EPB41L2: variants seen among roughly 807,000 people sequenced by gnomAD.
EPB41L2 encodes the protein band 4.1-like protein 2.
EPB41L2 carries 43 observed loss-of-function variants against 113.0 expected under a neutral mutation model. The ratio of observed to expected loss-of-function variants is 0.38; its 90% CI spans 0.30 to 0.49. EPB41L2 has a LOEUF of 0.49. EPB41L2 is among the 20% of genes least tolerant of loss of function. The pLI, the probability that EPB41L2 is intolerant of heterozygous loss-of-function variation, is 0.95. For synonymous variants in EPB41L2, 442 were observed against 436.7 expected (o/e 1.01, Z -0.15); for missense variants, 1,147 against 1,223.4 (o/e 0.94, Z 0.93).
At chr6:130,867,119 A>C (rs1784019024) in intron 16 of EPB41L2, among the ~76,000 whole-genome samples, 1 of 152,210 alleles carries the variant, frequency 6.6e-6, no homozygotes, top group African/African-American at 2.4e-5. Context: ...TATATCAGAT[A>C]AACTTTGCAA....
At chr6:130,972,092 T>C (rs1203780418) in intron 1 of EPB41L2, among the ~76,000 whole-genome samples, 1 of 152,100 alleles carries the variant, frequency 6.6e-6, no homozygotes, top group African/African-American at 2.4e-5. Context: ...GTGAGGCCGA[T>C]GTGGACGAAT....
chr6:130,890,674 T>A (rs1401522172), intron 10 of EPB41L2, among the ~76,000 whole-genome samples: 1 of 152,202 alleles, frequency 6.6e-6, no homozygotes, highest in Non-Finnish European at 1.5e-5. Context: ...TCCACATTCA[T>A]GTATTCATGA....
At chr6:131,006,875 G>A (rs564766654) in intron 1 of EPB41L2, among the ~76,000 whole-genome samples, 2 of 151,964 alleles carry the variant, frequency 1.3e-5, no homozygotes, top group East Asian at 3.9e-4. Context: ...CTCTAACCCT[G>A]AGGATCCTGT....
intron 18 of EPB41L2, among the ~76,000 whole-genome samples, chr6:130,860,543 A>AT (rs1308620055): frequency 2.7e-5 from 4 of 148,266 alleles, no homozygotes; most frequent in Admixed American, 6.8e-5. Flanking sequence ...TTTTATTTTT[A>AT]TTTTTTTGAG....
intron 5 of EPB41L2, among the ~76,000 whole-genome samples, chr6:130,908,389 C>CA (rs748637718): frequency 1.3e-5 from 2 of 152,190 alleles, no homozygotes; most frequent in Non-Finnish European, 2.9e-5. Context: ...AAAGAGTCCT[C>CA]ACTCCAGTAC....
intron 16 of EPB41L2, among the ~76,000 whole-genome samples, chr6:130,866,627 G>A (rs554726647): frequency 3.3e-5 from 5 of 152,322 alleles, no homozygotes; most frequent in African/African-American, 1.2e-4. Context: ...ACACATGCAT[G>A]CATTAAACCT....
chr6:130,851,092 C>A (rs1370356378), intron 19 of EPB41L2, among the ~76,000 whole-genome samples: 1 of 152,100 alleles, frequency 6.6e-6, no homozygotes, highest in Admixed American at 6.5e-5. Flanking sequence ...CACAACTAGG[C>A]AAACAGAATA....
chr6:130,965,853 T>A (rs1026540466), intron 1 of EPB41L2, among the ~76,000 whole-genome samples: 1 of 152,186 alleles, frequency 6.6e-6, no homozygotes, highest in African/African-American at 2.4e-5. Context: ...ATGGGCCCAG[T>A]GGAAGTCAAT....
At chr6:130,842,997 A>C (rs1391036025) in intron 19 of EPB41L2, among the ~76,000 whole-genome samples, 1 of 136,504 alleles carries the variant, frequency 7.3e-6, no homozygotes, top group Non-Finnish European at 1.5e-5. Context: ...CATTCTTTAA[A>C]AATCAGTAAA....
intron 19 of EPB41L2, among the ~76,000 whole-genome samples, chr6:130,850,214 C>A (rs189553442): frequency 3.9e-4 from 60 of 152,138 alleles, no homozygotes; most frequent in Non-Finnish European, 1.5e-5. Context: ...CTCCAGTCTG[C>A]GCGACAAGAG....
intron 17 of EPB41L2, 140 bp downstream of exon 17, chr6:130,865,396 A>T: frequency 1.3e-6 from 1 of 765,948 alleles, no homozygotes; most frequent in Non-Finnish European, 2.0e-6. Context: ...TTTCTTGGAT[A>T]CTTTAAACCA....
chr6:130,873,247 A>G (rs1786335374), intron 14 of EPB41L2, among the ~76,000 whole-genome samples: 1 of 152,204 alleles, frequency 6.6e-6, no homozygotes, highest in Non-Finnish European at 1.5e-5. Context: ...TCAGAGTTGA[A>G]AGCTCAATGA....
At chr6:130,998,846 A>C (rs1300663992) in intron 1 of EPB41L2, among the ~76,000 whole-genome samples, 1 of 152,168 alleles carries the variant, frequency 6.6e-6, no homozygotes, top group African/African-American at 2.4e-5. Context: ...TGATCATATC[A>C]TTCACCTGTA....
chr6:130,847,132 C>A (rs1482975099), intron 19 of EPB41L2, among the ~76,000 whole-genome samples: 2 of 152,214 alleles, frequency 1.3e-5, no homozygotes, highest in Non-Finnish European at 2.9e-5. Flanking sequence ...TACATAACCA[C>A]GATGGAGGTT....
chr6:130,922,753 G>C (rs1430342190), intron 4 of EPB41L2, among the ~76,000 whole-genome samples: 1 of 151,970 alleles, frequency 6.6e-6, no homozygotes, highest in African/African-American at 2.4e-5. Context: ...ATATTTGCAA[G>C]GTAAAAGCCA....
At chr6:130,976,202 C>T (rs532660059) in intron 1 of EPB41L2, among the ~76,000 whole-genome samples, 2 of 152,192 alleles carry the variant, frequency 1.3e-5, no homozygotes, top group African/African-American at 2.4e-5. Context: ...ATTTTTTTAA[C>T]GTTTTTAAAA....
chr6:130,954,040 C>CTTTCTTTT lies in EPB41L2; in HGVS notation c.705+1064_705+1065insAAAAGAAA, dbSNP rs1816373036. Among the ~76,000 whole-genome samples the CTTTCTTTT allele has an allele frequency of 1.4e-3, 82 of 58,860 alleles. 10 individuals are homozygous for CTTTCTTTT. Among genetic ancestry groups the CTTTCTTTT allele is most frequent in the Non-Finnish European group, 2.4e-3 (74 of 30,226 alleles). The allele number at this position is 58,860 out of a possible 152,430, so 38.6% of individuals were successfully genotyped here. A position where few individuals can be genotyped will look rare whatever the true frequency, so the allele number is the denominator to read the frequency against. On this transcript the variant is annotated intron_variant, in intron 3 of 19. Coordinates refer to ENST00000337057, the MANE Select transcript of EPB41L2 (RefSeq NM_001431.4). ...TCCTCTTTTGCTAGTCCTTTTCTTTCTTTTTTTTTTTTTTTTTTTTTTTTT... is the reference window on the plus strand; with the variant it reads ...TCCTCTTTTGCTAGTCCTTTTCTTTCTTTCTTTTTTTTTTTTTTTTTTTTTTTTTTTTT...
At chr6:131,059,117 T>C (rs9492797) in intron 1 of EPB41L2, among the ~76,000 whole-genome samples, 32 of 26,004 alleles carry the variant, frequency 1.2e-3, no homozygotes, top group African/African-American at 1.2e-3. Context: ...CCTATAACTT[T>C]TTTTTTTTTT....
At chr6:131,030,992 T>G (rs1792043883) in intron 1 of EPB41L2, among the ~76,000 whole-genome samples, 1 of 150,804 alleles carries the variant, frequency 6.6e-6, no homozygotes, top group Admixed American at 6.6e-5. Flanking sequence ...CTCAGGAGGC[T>G]AAGGTGGGGG....
Sources: gnomAD v4.1 joint callset for allele counts (sites outside exome capture counted in the v4.1 genomes callset) on GRCh38, gnomAD v4.1.1 for gene constraint, MANE v1.5 for transcripts, NCBI Gene and HGNC (gene_info 2026-07-23, HGNC 2026-07-21) for gene names.